The following ADGRB3 variants were observed in gnomAD, a reference collection of about 807,000 sequenced individuals.
ADGRB3 encodes brain-specific angiogenesis inhibitor 3.
Under a neutral mutation model 193.4 loss-of-function variants are expected in ADGRB3, and 37 were observed. That is an observed-to-expected ratio of 0.19 (90% confidence interval 0.15 to 0.25). The LOEUF is 0.25. ADGRB3 is among the 10% of genes least tolerant of loss of function. ADGRB3 has a pLI of 1.00. For missense variants in ADGRB3, 1,637 were observed against 1,852.9 expected, an observed-to-expected ratio of 0.88 and a Z score of 2.14; for synonymous variants, 690 against 644.2, an observed-to-expected ratio of 1.07 and a Z score of -1.08.
chr6:68,961,612 C>G (rs1768236333), intron 8 of ADGRB3, among the ~76,000 whole-genome samples: 1 of 152,050 alleles, frequency 6.6e-6, no homozygotes, highest in Non-Finnish European at 1.5e-5. Flanking sequence ...TTAGATTCTT[C>G]TAAACTAAAC....
intron 1 of ADGRB3, among the ~76,000 whole-genome samples, chr6:68,636,558 C>T (rs910116583): frequency 1.2e-4 from 17 of 146,054 alleles, no homozygotes; most frequent in East Asian, 6.5e-4. Flanking sequence ...GCTTTTTGAA[C>T]GGGCCCTGCA....
chr6:69,216,073 C>A (rs1765767231), intron 17 of ADGRB3, among the ~76,000 whole-genome samples: 1 of 151,970 alleles, frequency 6.6e-6, no homozygotes, highest in East Asian at 1.9e-4. Flanking sequence ...CTACTAAATA[C>A]TGACTTTATT....
intron 20 of ADGRB3, among the ~76,000 whole-genome samples, chr6:69,277,535 C>T (rs1162830137): frequency 6.6e-6 from 1 of 152,150 alleles, no homozygotes; most frequent in Admixed American, 6.5e-5. Flanking sequence ...AGAGTCAGCA[C>T]TCCCAAAGGA....
intron 17 of ADGRB3, among the ~76,000 whole-genome samples, chr6:69,147,764 T>C (rs1389922697): frequency 5.3e-5 from 8 of 152,200 alleles, no homozygotes; most frequent in African/African-American, 1.9e-4. Context: ...GCTATTATTG[T>C]ACTGGGGTCT....
chr6:68,758,598 A>G (rs1432669433), intron 3 of ADGRB3, among the ~76,000 whole-genome samples: 1 of 152,110 alleles, frequency 6.6e-6, no homozygotes, highest in Admixed American at 6.6e-5. Context: ...GTCCCAGGAT[A>G]TCACATACAT....
At chr6:69,235,690 A>G (rs867705226) in intron 19 of ADGRB3, among the ~76,000 whole-genome samples, 4 of 152,178 alleles carry the variant, frequency 2.6e-5, no homozygotes, top group Middle Eastern at 6.8e-3. Context: ...ATTGATTAAA[A>G]GAAGTCATAA....
chr6:69,282,064 C>T (rs945050018), intron 20 of ADGRB3, among the ~76,000 whole-genome samples: 3 of 152,110 alleles, frequency 2.0e-5, no homozygotes, highest in Non-Finnish European at 4.4e-5. Flanking sequence ...GGCTGCCATG[C>T]GTACCAGGAG....
At chr6:69,306,640 G>C (rs909112154) in intron 20 of ADGRB3, among the ~76,000 whole-genome samples, 1 of 151,436 alleles carries the variant, frequency 6.6e-6, no homozygotes, top group Non-Finnish European at 1.5e-5. Context: ...TTTTATTTCT[G>C]ACTACAGGTC....
chr6:68,897,367 A>AAAGAAGGAAAGG (rs1203016864), intron 3 of ADGRB3, among the ~76,000 whole-genome samples: 3 of 149,228 alleles, frequency 2.0e-5, no homozygotes, highest in Non-Finnish European at 3.0e-5. Context: ...CTTAAAAGAA[A>AAAGAAGGAAAGG]AAGAAGGAAA....
At chr6:68,847,068 G>C (rs553681260) in intron 3 of ADGRB3, among the ~76,000 whole-genome samples, 1 of 152,242 alleles carries the variant, frequency 6.6e-6, no homozygotes, top group South Asian at 2.1e-4. Flanking sequence ...GATCATTTTG[G>C]AGCTTTCAAT....
At chr6:68,947,424 T>A (rs1394318378) in intron 6 of ADGRB3, among the ~76,000 whole-genome samples, 1 of 152,132 alleles carries the variant, frequency 6.6e-6, no homozygotes, top group African/African-American at 2.4e-5. Context: ...TTTCTTTTAT[T>A]TCCTGTTTCT....
intron 17 of ADGRB3, among the ~76,000 whole-genome samples, chr6:69,163,505 A>G (rs558006977): frequency 3.9e-5 from 6 of 152,254 alleles, no homozygotes; most frequent in African/African-American, 1.4e-4. Context: ...ATTATGTGAA[A>G]AAAAATTAAG....
intron 31 of ADGRB3, among the ~76,000 whole-genome samples, chr6:69,387,681 C>T (rs893313816): frequency 2.6e-5 from 4 of 151,952 alleles, no homozygotes; most frequent in African/African-American, 7.2e-5. Context: ...ATTACAGGCA[C>T]ACATCACTGC....
At chr6:68,746,677 T>G (rs987071791) in intron 3 of ADGRB3, among the ~76,000 whole-genome samples, 1 of 152,108 alleles carries the variant, frequency 6.6e-6, no homozygotes, top group East Asian at 1.9e-4. Flanking sequence ...GAGCTTTCCC[T>G]CTTCCCCTTG....
At chr6:69,358,830 T>C (rs891112685) in intron 28 of ADGRB3, among the ~76,000 whole-genome samples, 1 of 151,886 alleles carries the variant, frequency 6.6e-6, no homozygotes, top group Non-Finnish European at 1.5e-5. Flanking sequence ...AACTTGGATA[T>C]ACATTTTAAG....
At chr6:69,285,351 C>T (rs755905501) in intron 20 of ADGRB3, among the ~76,000 whole-genome samples, 2 of 152,160 alleles carry the variant, frequency 1.3e-5, no homozygotes, top group Non-Finnish European at 2.9e-5. Context: ...TACTTCTAGT[C>T]GTCCTCCACC....
chr6:68,789,566 TTCTC>T (rs1767056544), intron 3 of ADGRB3, among the ~76,000 whole-genome samples: 1 of 152,222 alleles, frequency 6.6e-6, no homozygotes, highest in African/African-American at 2.4e-5. Flanking sequence ...AATCCGACCT[TTCTC>T]TCTGGCTGCC....
intron 3 of ADGRB3, among the ~76,000 whole-genome samples, chr6:68,716,549 A>G (rs910905367): frequency 1.3e-4 from 20 of 151,188 alleles, no homozygotes; most frequent in African/African-American, 4.9e-4. Flanking sequence ...TAGGGGAGCA[A>G]CTCAGAGCAA....
chr6:69,072,664 T>C (rs538173586), intron 16 of ADGRB3, among the ~76,000 whole-genome samples: 1 of 152,304 alleles, frequency 6.6e-6, no homozygotes, highest in Admixed American at 6.5e-5. Context: ...CCAATTAGAT[T>C]TAATGGATCT....
Sources: allele counts gnomAD v4.1 joint callset (sites outside exome capture counted in the v4.1 genomes callset), GRCh38; gene constraint gnomAD v4.1.1; transcripts MANE v1.5; gene names NCBI Gene and HGNC (gene_info 2026-07-23, HGNC 2026-07-21).